Variants in CEP135 observed in about 807,000 individuals in gnomAD.
CEP135 encodes centrosomal protein of 135 kDa.
A neutral mutation model predicts 157.3 loss-of-function variants in CEP135; 142 were observed. The ratio of observed to expected loss-of-function variants is 0.90; its 90% CI spans 0.79 to 1.04. CEP135 has a LOEUF of 1.04. Ranked by LOEUF, CEP135 falls within the 50% of genes least tolerant of loss-of-function variation. The probability of loss-of-function intolerance (pLI) is 0.00; values close to 1 mark genes in which losing one functional copy is unlikely to be tolerated. For synonymous variants in CEP135, 396 were observed against 439.8 expected (o/e 0.90, Z 1.25); for missense variants, 1,317 against 1,309.2 (o/e 1.01, Z -0.09).
intron 15 of CEP135, among the ~76,000 whole-genome samples, chr4:55,997,909 A>T (rs1428026569): frequency 6.6e-6 from 1 of 152,192 alleles, no homozygotes; most frequent in Non-Finnish European, 1.5e-5. Flanking sequence ...AGGAAGTAAG[A>T]TTGCTTGAAC....
chr4:56,029,548 CAG>C (rs1731268742), intron 25 of CEP135, among the ~76,000 whole-genome samples: 1 of 152,172 alleles, frequency 6.6e-6, no homozygotes, highest in Admixed American at 6.6e-5. Context: ...TGCTTAACAA[CAG>C]GGGATATGTT....
At chr4:55,988,506 G>A (rs1050124742) in intron 14 of CEP135, among the ~76,000 whole-genome samples, 16 of 151,842 alleles carry the variant, frequency 1.1e-4, no homozygotes, top group Middle Eastern at 3.2e-3. Context: ...CTAAAAATAC[G>A]AAAATTTGCC....
intron 23 of CEP135, 132 bp downstream of exon 23, chr4:56,019,687 G>GGT (rs1730907706): frequency 1.5e-6 from 1 of 675,166 alleles, no homozygotes; most frequent in Non-Finnish European, 2.4e-6. Context: ...TGTAATCCCA[G>GGT]CACTTTGGGA....
At chr4:55,959,282 G>A (rs1413192287) in intron 5 of CEP135, among the ~76,000 whole-genome samples, 1 of 152,178 alleles carries the variant, frequency 6.6e-6, no homozygotes, top group Non-Finnish European at 1.5e-5. Flanking sequence ...CAAAGTAGTA[G>A]TAGACAATAC....
At position 56,031,710 on chromosome 4, in the gene CEP135, T is replaced by C. The variant is rs1181977360; in HGVS notation, c.*362T>C. 2 of 152,208 alleles carry C rather than the reference T, an allele frequency of 1.3e-5. No homozygotes were observed. The highest frequency in any genetic ancestry group is 4.8e-5 in the African/African-American group (2 of 41,462). 9.4% of individuals were successfully genotyped at this position (152,208 alleles called of 1,614,324 possible). A position where few individuals can be genotyped will look rare whatever the true frequency, so the allele number is the denominator to read the frequency against. Reference sequence around the variant, plus strand: ...TTATTAATAAGCCATGATATGTGTATGTAAATATTCTTACAGTACTTGTTT... The same window carrying C: ...TTATTAATAAGCCATGATATGTGTACGTAAATATTCTTACAGTACTTGTTT... On this transcript the variant is annotated 3_prime_UTR_variant, in exon 26 of 26. Transcript: ENST00000257287.
Position 56,016,136 on chromosome 4 carries a change from G to A in CEP135, c.2803-1512G>A, listed in dbSNP as rs150242030. ...TGAAGATGGAGGCAGAGATTGGAGTGATATGTCTGCAAGTGAGTGAACACC... is the reference window on the plus strand; with the variant it reads ...TGAAGATGGAGGCAGAGATTGGAGTAATATGTCTGCAAGTGAGTGAACACC... On this transcript the variant is annotated intron_variant, in intron 21 of 25. Transcript: ENST00000257287. Among the ~76,000 whole-genome samples the A allele has an allele frequency of 2.0e-5, 3 of 152,218 alleles. No individual in the cohort carries two copies. The East Asian group carries it at 5.8e-4, about 29-fold the overall frequency.
At chr4:55,999,786 G>A (rs1730100740) in intron 17 of CEP135, 141 bp downstream of exon 17, 1 of 759,414 alleles carries the variant, frequency 1.3e-6, no homozygotes, top group African/African-American at 1.8e-5. Context: ...CCTATCTCTT[G>A]GGCTCAAGGA....
rs766191061 is a variant in CEP135 at position 55,981,227 on chromosome 4, G to A, written c.1627G>A (p.Ala543Thr). Residue 543 changes from alanine (A) to threonine (T), a missense_variant and splice_region_variant, in exon 13 of 26, where the codon GCT (alanine) becomes ACT (threonine). Physicochemically the swap from Ala to Thr is moderately conservative, Grantham distance 58 (BLOSUM62 0). Transcript: ENST00000257287. ...AATTTATATCTTTTCATTCTTTAAG[G>A]CTCAGGAAGAATTATCTGCCCTAAG... ...RDKLSVLYNE[A>T]QEELSALRKE... The A allele has an allele frequency of 1.9e-6, 3 of 1,577,120 alleles. No individual in the cohort carries two copies. Among genetic ancestry groups the A allele is most frequent in the African/African-American group, 1.4e-5 (1 of 72,160 alleles).
intron 21 of CEP135, among the ~76,000 whole-genome samples, chr4:56,012,270 G>C (rs895218892): frequency 3.9e-5 from 6 of 152,094 alleles, no homozygotes; most frequent in Non-Finnish European, 8.8e-5. Context: ...TGGCCAGGCT[G>C]CTCTCGAACT....
chr4:55,985,780 T>G (rs1402905735), intron 14 of CEP135, among the ~76,000 whole-genome samples: 3 of 151,988 alleles, frequency 2.0e-5, no homozygotes, highest in Admixed American at 6.6e-5. Context: ...TTTTATACAA[T>G]TACAATTACA....
intron 17 of CEP135, among the ~76,000 whole-genome samples, chr4:56,007,863 T>C (rs1366106041): frequency 1.3e-5 from 2 of 152,190 alleles, no homozygotes; most frequent in Non-Finnish European, 2.9e-5. Flanking sequence ...CCTGGGATAG[T>C]GCTGATGATA....
At chr4:56,015,725 T>C (rs1446383394) in intron 21 of CEP135, among the ~76,000 whole-genome samples, 1 of 152,206 alleles carries the variant, frequency 6.6e-6, no homozygotes, top group Non-Finnish European at 1.5e-5. Flanking sequence ...TCCAGTGTCA[T>C]AGGTCTGTAG....
chr4:55,962,099 A>G (rs1728699710), intron 6 of CEP135, among the ~76,000 whole-genome samples: 1 of 147,796 alleles, frequency 6.8e-6, no homozygotes. Flanking sequence ...CTTTTTAAAA[A>G]ACTCTTATTT....
Position 56,011,467 on chromosome 4 carries a change from G to A in CEP135, c.2561G>A (p.Arg854Lys). Residue 854 changes from arginine (R) to lysine (K), a missense_variant, in exon 20 of 26, where the codon AGA (arginine) becomes AAA (lysine). Physicochemically the swap from Arg to Lys is conservative, Grantham distance 26. Transcript: ENST00000257287. ...AVQEKEEMKS[R>K]VHKYITEVSR... ...CAAGAAAAAGAAGAAATGAAGAGCAGAGTTCATAAATACATAACAGAGGTG... is the reference window on the plus strand; with the variant it reads ...CAAGAAAAAGAAGAAATGAAGAGCAAAGTTCATAAATACATAACAGAGGTG... 6.2e-7 allele frequency: 1 copy of A among 1,612,560 alleles called. No homozygotes were observed. The highest frequency in any genetic ancestry group is 8.5e-7 in the Non-Finnish European group (1 of 1,179,618).
intron 19 of CEP135, among the ~76,000 whole-genome samples, chr4:56,010,246 C>T (rs1730530523): frequency 1.3e-5 from 2 of 149,856 alleles, no homozygotes; most frequent in East Asian, 2.0e-4. Context: ...GCCTGTAATC[C>T]CAGCTGCTCG....
In CEP135 at chr4:56,020,705, T is replaced by G. The variant is rs369311006; in HGVS notation, c.3245T>G (p.Leu1082Arg). ...AGTCAAAGCCGGGAAAACACCATGC[T>G]TCGAGCTAAAGTGGCACAGTTACAA... ...LTSQSRENTM[L>R]RAKVAQLQTD... Residue 1082 changes from leucine (L) to arginine (R), a missense_variant, in exon 24 of 26, where the codon CTT becomes CGT. Leu to Arg is a moderately radical substitution (Grantham distance 102). Coordinates refer to ENST00000257287, the MANE Select transcript of CEP135 (RefSeq NM_025009.5). 8.1e-6 allele frequency: 13 copies of G among 1,613,756 alleles called. No homozygotes were observed. In the African/African-American group the frequency reaches 1.3e-4, roughly 17 times the overall value.
chr4:55,973,542 G>C (rs538770405), intron 10 of CEP135, among the ~76,000 whole-genome samples: 1 of 152,220 alleles, frequency 6.6e-6, no homozygotes, highest in South Asian at 2.1e-4. Context: ...AAGGGCCGGT[G>C]GCTCCATGTA....
At chr4:56,000,676 T>C (rs1246131988) in intron 17 of CEP135, among the ~76,000 whole-genome samples, 1 of 152,238 alleles carries the variant, frequency 6.6e-6, no homozygotes, top group African/African-American at 2.4e-5. Flanking sequence ...ATTTCATTCA[T>C]TTTCATGGCT....
intron 21 of CEP135, among the ~76,000 whole-genome samples, chr4:56,015,262 T>C (rs899833249): frequency 3.3e-5 from 5 of 152,150 alleles, no homozygotes; most frequent in African/African-American, 1.2e-4. Context: ...ACTTCTGGGA[T>C]CCTACTAGCA....
Sources: allele counts gnomAD v4.1 joint callset (sites outside exome capture counted in the v4.1 genomes callset), GRCh38; gene constraint gnomAD v4.1.1; transcripts MANE v1.5; gene names NCBI Gene and HGNC (gene_info 2026-07-23, HGNC 2026-07-21).